The following PROM1 variants were observed in gnomAD, a reference collection of about 807,000 sequenced individuals.
PROM1 encodes prominin 1.
A neutral mutation model predicts 116.9 loss-of-function variants in PROM1; 105 were observed. That is an observed-to-expected ratio of 0.90 (90% confidence interval 0.77 to 1.06). The LOEUF is 1.06. PROM1 is among the 50% of genes least tolerant of loss of function. The pLI is 0.00. For missense variants in PROM1, 1,122 were observed against 1,045.2 expected (o/e 1.07, Z -1.01); for synonymous variants, 393 against 387.0 (o/e 1.02, Z -0.18).
intron 16 of PROM1, 38 bp from the exon 17 acceptor site, chr4:15,992,429 TCC>T (rs1227079740): frequency 1.3e-6 from 2 of 1,597,178 alleles, no homozygotes; most frequent in Admixed American, 3.4e-5. Flanking sequence ...TCCCTTATTC[TCC>T]AAGAATGTCA....
chr4:16,045,130 C>A (rs1736239654), intron 2 of PROM1, among the ~76,000 whole-genome samples: 1 of 152,106 alleles, frequency 6.6e-6, no homozygotes, highest in African/African-American at 2.4e-5. Flanking sequence ...TGAAAGTGTC[C>A]CGTGCCATCT....
intron 2 of PROM1, among the ~76,000 whole-genome samples, chr4:16,066,828 T>G (rs1741650544): frequency 6.6e-6 from 1 of 152,236 alleles, no homozygotes; most frequent in Non-Finnish European, 1.5e-5. Context: ...CCTGAAAGGA[T>G]GTCATCGCTG....
chr4:15,994,037 G>T lies in PROM1; in HGVS notation c.1717C>A (p.Leu573Ile). ...ATATTGAAGCTGTTCTGCAGGTGAA[G>T]AGTGCCGTAAGTGCCTCTATTTTTT... ...CKKNRGTYGT[L>I]HLQNSFNISE... is the part of the protein sequence containing the mutation. Residue 573 changes from leucine (L) to isoleucine (I), a missense_variant, in exon 16 of 28, where the codon CTT becomes ATT. By Grantham distance (5) the Leu-to-Ile change is conservative. Transcript: ENST00000447510. 2 of 1,614,006 alleles carry T rather than the reference G, an allele frequency of 1.2e-6. No individual in the cohort carries two copies. The highest frequency in any genetic ancestry group is 1.7e-6 in the Non-Finnish European group (2 of 1,179,876).
At position 16,075,738 on chromosome 4, in the gene PROM1, C is replaced by T. The variant is rs1441970045; in HGVS notation, c.169G>A (p.Glu57Lys). The change falls in exon 2 of 28, where the codon GAA becomes AAA. Residue 57 changes from glutamate to lysine, a missense_variant. Glu to Lys is a moderately conservative substitution (Grantham distance 56). Transcript: ENST00000447510. ...ACATAGAGAAAGATATGCACTAGTTCAAAGAGAATGCCAATGGGTCCAGCT... is the reference window on the plus strand; with the variant it reads ...ACATAGAGAAAGATATGCACTAGTTTAAAGAGAATGCCAATGGGTCCAGCT... ...HKAGPIGILF[E>K]LVHIFLYVVQ... The T allele has an allele frequency of 3.1e-6, 5 of 1,613,616 alleles. No individual in the cohort carries two copies. In the Admixed American group the frequency reaches 5.0e-5, roughly 16 times the overall value.
At chr4:16,063,668 T>C (rs569230421) in intron 2 of PROM1, among the ~76,000 whole-genome samples, 30 of 152,296 alleles carry the variant, frequency 2.0e-4, no homozygotes, top group Admixed American at 5.2e-4. Context: ...GTTATGTGTA[T>C]CCTGATTCAA....
intron 13 of PROM1, among the ~76,000 whole-genome samples, chr4:16,004,135 A>T (rs1472094035): frequency 2.0e-5 from 3 of 152,240 alleles, no homozygotes; most frequent in Admixed American, 1.3e-4. Flanking sequence ...TTTACCAGAT[A>T]CCTCAAGAAG....
intron 13 of PROM1, chr4:16,003,391 T>C (rs1008220788): frequency 2.2e-6 from 1 of 456,668 alleles, no homozygotes; most frequent in African/African-American, 2.0e-5. Context: ...AAGAGCATCA[T>C]GGTCTTTTTA....
At chr4:16,000,474 AT>A (rs1313498057) in intron 14 of PROM1, 21 bp downstream of exon 14, 2 of 1,549,664 alleles carry the variant, frequency 1.3e-6, no homozygotes, top group South Asian at 2.3e-5. Flanking sequence ...TCCTTTCATA[AT>A]GGGTAGAAAA....
At position 16,013,407 on chromosome 4, in the gene PROM1, T is replaced by C; in HGVS notation, c.1078-69A>G. 3 of 1,129,670 alleles carry C rather than the reference T, an allele frequency of 2.7e-6. No homozygotes were observed. In the Admixed American group the frequency reaches 5.1e-5, roughly 19 times the overall value. The allele number at this position is 1,129,670 out of a possible 1,614,324, so 70.0% of individuals were successfully genotyped here. A position where few individuals can be genotyped will look rare whatever the true frequency, so the allele number is the denominator to read the frequency against. ...AAGACTAGTTGACTAGTCACTCATT[T>C]TGCAACTCAGTACGAGTAGAGAGGC... On this transcript the variant is annotated intron_variant, in intron 10 of 27. Coordinates refer to ENST00000447510, the MANE Select transcript of PROM1 (RefSeq NM_006017.3).
In PROM1 at chr4:16,003,116, A is replaced by AC. The variant is rs544849136; in HGVS notation, c.1455-2498dup. The stretch of plus-strand genomic sequence containing the variant: ...AGGATAATACATGCATCATTTTCTG[A>AC]CCCCCTTTCAAATGCATTATCTTAG... On this transcript the variant is annotated intron_variant, in intron 13 of 27. Coordinates refer to ENST00000447510, the MANE Select transcript of PROM1 (RefSeq NM_006017.3). Among the ~76,000 whole-genome samples, 7 of 152,116 alleles carry AC rather than the reference A, an allele frequency of 4.6e-5. No individual in the cohort carries two copies. The East Asian group carries it at 1.3e-3, about 29-fold the overall frequency.
intron 11 of PROM1, among the ~76,000 whole-genome samples, chr4:16,012,153 T>C (rs2677776): frequency 1 from 152,073 of 152,252 alleles, 75,949 homozygotes; most frequent in East Asian, 1. Context: ...TGCACAACCA[T>C]GCCTGGCTAA....
chr4:16,051,965 T>C (rs1328414144), intron 2 of PROM1, among the ~76,000 whole-genome samples: 1 of 152,194 alleles, frequency 6.6e-6, no homozygotes, highest in Non-Finnish European at 1.5e-5. Flanking sequence ...TAAAGTTCTA[T>C]ATAATGTCCG....
intron 2 of PROM1, among the ~76,000 whole-genome samples, chr4:16,066,792 C>T (rs1578291156): frequency 6.6e-6 from 1 of 152,180 alleles, no homozygotes; most frequent in African/African-American, 2.4e-5. Flanking sequence ...ACTTAATCTC[C>T]CCTTTCCTGC....
At chr4:15,999,401 G>A (rs1412243970) in intron 14 of PROM1, among the ~76,000 whole-genome samples, 1 of 151,978 alleles carries the variant, frequency 6.6e-6, no homozygotes, top group African/African-American at 2.4e-5. Flanking sequence ...AAACCGGGAG[G>A]CGGAGCTGGC....
In PROM1 at chr4:16,006,700, C is replaced by T. The variant is rs947597983; in HGVS notation, c.1302-10G>A. ...CAGGCCACCCAGCCACCTGGAGAGGCAAGCACAGTGTTAGTATACATGACA... is the reference window on the plus strand; with the variant it reads ...CAGGCCACCCAGCCACCTGGAGAGGTAAGCACAGTGTTAGTATACATGACA... On this transcript the variant is annotated splice_polypyrimidine_tract_variant and intron_variant, in intron 12 of 27. Coordinates refer to ENST00000447510, the MANE Select transcript of PROM1 (RefSeq NM_006017.3). 2 of 1,612,216 alleles carry T rather than the reference C, an allele frequency of 1.2e-6. No individual in the cohort carries two copies. Among genetic ancestry groups the T allele is most frequent in the South Asian group, 2.2e-5 (2 of 90,434 alleles).
intron 8 of PROM1, among the ~76,000 whole-genome samples, chr4:16,019,365 A>G (rs1286116686): frequency 1.3e-5 from 2 of 152,234 alleles, no homozygotes; most frequent in Non-Finnish European, 2.9e-5. Flanking sequence ...GTGGTAGGGT[A>G]CTCTCTTGCA....
chr4:16,059,883 T>G (rs1298245358), intron 2 of PROM1, among the ~76,000 whole-genome samples: 1 of 152,056 alleles, frequency 6.6e-6, no homozygotes, highest in Non-Finnish European at 1.5e-5. Context: ...GTAGTAAGAC[T>G]GTTAGGGGTA....
At chr4:16,023,298 T>C (rs751573574) in intron 8 of PROM1, 28 bp downstream of exon 8, 8 of 1,533,040 alleles carry the variant, frequency 5.2e-6, no homozygotes, top group African/African-American at 2.7e-5. Context: ...GATGGAACTT[T>C]CTTTGGTCAT....
chr4:15,984,069 G>A lies in PROM1; in HGVS notation c.2373+194C>T, dbSNP rs148558758. On this transcript the variant is annotated intron_variant, in intron 23 of 27. Transcript: ENST00000447510. Reference sequence around the variant, plus strand: ...CCTGACTCATAAATATAATCCTAGTGAGGAAAGAAGACAACCGCCCAGAAC... The same window carrying A: ...CCTGACTCATAAATATAATCCTAGTAAGGAAAGAAGACAACCGCCCAGAAC... 9.0e-3 allele frequency among the ~76,000 whole-genome samples: 1,367 copies of A among 152,324 alleles called. 16 individuals carry two copies. The highest frequency in any genetic ancestry group is 0.031 in the African/African-American group (1,307 of 41,562).
Sources: gnomAD v4.1 joint callset for allele counts (sites outside exome capture counted in the v4.1 genomes callset) on GRCh38, gnomAD v4.1.1 for gene constraint, MANE v1.5 for transcripts, NCBI Gene and HGNC (gene_info 2026-07-23, HGNC 2026-07-21) for gene names.